Variants in SIMC1 observed in about 807,000 individuals in gnomAD.
The protein encoded by SIMC1 is SUMO interacting motifs containing 1, also known as SUMO-interacting motif-containing protein 1.
In SIMC1, 55 loss-of-function variants were observed where a neutral mutation model predicts 82.3. The ratio of observed to expected loss-of-function variants is 0.67; its 90% CI spans 0.54 to 0.84. SIMC1 has a LOEUF of 0.84. SIMC1 is among the 40% of genes least tolerant of loss of function. The pLI is 0.00. For missense variants in SIMC1, 915 were observed against 1,107.2 expected, an observed-to-expected ratio of 0.83 and a Z score of 2.46; for synonymous variants, 353 against 426.3, an observed-to-expected ratio of 0.83 and a Z score of 2.12.
chr5:176,261,762 A>T (rs534412022), intron 1 of SIMC1, among the ~76,000 whole-genome samples: 7 of 152,172 alleles, frequency 4.6e-5, no homozygotes, highest in Non-Finnish European at 1.0e-4. Context: ...AAAAAAGGAA[A>T]AAAAAAAGTT....
chr5:176,279,776 G>A (rs1237669376), intron 1 of SIMC1, among the ~76,000 whole-genome samples: 1 of 151,598 alleles, frequency 6.6e-6, no homozygotes, highest in Non-Finnish European at 1.5e-5. Context: ...CCATGTAGTT[G>A]AGGAGTTTTG....
chr5:176,298,103 G>A (rs1048023592), intron 4 of SIMC1, among the ~76,000 whole-genome samples: 7 of 152,180 alleles, frequency 4.6e-5, no homozygotes, highest in African/African-American at 1.7e-4. Context: ...CTCTAGAGCC[G>A]AATTAAGAAG....
intron 1 of SIMC1, among the ~76,000 whole-genome samples, chr5:176,245,821 CG>C (rs1761417528): frequency 6.6e-6 from 1 of 151,966 alleles, no homozygotes; most frequent in Non-Finnish European, 1.5e-5. Context: ...AGATAATTAT[CG>C]TTATCTGCAA....
chr5:176,264,088 G>C (rs995537134), intron 1 of SIMC1, among the ~76,000 whole-genome samples: 10 of 152,228 alleles, frequency 6.6e-5, no homozygotes, highest in Admixed American at 6.5e-4. Flanking sequence ...GCAAGGGGTG[G>C]GCTCCTAAGG....
At chr5:176,272,949 G>A (rs1426929651) in intron 1 of SIMC1, among the ~76,000 whole-genome samples, 1 of 152,174 alleles carries the variant, frequency 6.6e-6, no homozygotes, top group East Asian at 1.9e-4. Flanking sequence ...GCTCAAACTG[G>A]GTGGAGCCCA....
chr5:176,265,767 CTTAA>C (rs1246932356), intron 1 of SIMC1, among the ~76,000 whole-genome samples: 2 of 151,928 alleles, frequency 1.3e-5, no homozygotes, highest in Non-Finnish European at 2.9e-5. Context: ...ATGCAAATTA[CTTAA>C]TTAGGAGTTA....
chr5:176,337,520 GGAGGCA>G (rs1159512442), intron 9 of SIMC1, among the ~76,000 whole-genome samples: 1 of 152,200 alleles, frequency 6.6e-6, no homozygotes, highest in African/African-American at 2.4e-5. Flanking sequence ...TTTGAACCCA[GGAGGCA>G]GAGGTTGCAG....
intron 1 of SIMC1, among the ~76,000 whole-genome samples, chr5:176,283,550 T>G (rs1350001383): frequency 5.3e-5 from 8 of 152,286 alleles, no homozygotes; most frequent in African/African-American, 1.9e-4. Context: ...GGAAGAACCG[T>G]TAGCAGCCAC....
chr5:176,281,806 T>C (rs998728702), intron 1 of SIMC1, among the ~76,000 whole-genome samples: 2 of 152,076 alleles, frequency 1.3e-5, no homozygotes, highest in African/African-American at 2.4e-5. Flanking sequence ...CTCAGAGGAG[T>C]ACCCGGCCGT....
At chr5:176,317,542 A>G (rs1764969729) in intron 5 of SIMC1, among the ~76,000 whole-genome samples, 1 of 152,172 alleles carries the variant, frequency 6.6e-6, no homozygotes. Context: ...CATGAAAAAT[A>G]AGGAGTTCGC....
intron 4 of SIMC1, among the ~76,000 whole-genome samples, chr5:176,300,339 G>T (rs1763989167): frequency 6.6e-6 from 1 of 152,152 alleles, no homozygotes; most frequent in Non-Finnish European, 1.5e-5. Context: ...TTTGTTTTGA[G>T]GCAGAGTCTC....
chr5:176,260,196 A>G (rs1403115357), intron 1 of SIMC1, among the ~76,000 whole-genome samples: 1 of 152,196 alleles, frequency 6.6e-6, no homozygotes, highest in Non-Finnish European at 1.5e-5. Flanking sequence ...TTCTAATGTT[A>G]GAAAACCATA....
chr5:176,264,718 A>G (rs939399133), intron 1 of SIMC1, among the ~76,000 whole-genome samples: 2 of 151,576 alleles, frequency 1.3e-5, no homozygotes, highest in African/African-American at 2.4e-5. Flanking sequence ...AGACTTTTAC[A>G]GTCTGCTTTC....
Position 176,290,750 on chromosome 5 carries a change from C to T in SIMC1, c.1226C>T (p.Pro409Leu), listed in dbSNP as rs1310457041. Reference protein sequence around the residue: ...PQSETPLEKVPWLSVMETPAR... With the variant: ...PQSETPLEKVLWLSVMETPAR... ...TCTGAAACTCCCTTAGAGAAAGTTC[C>T]TTGGCTCTCTGTCATGGAAACCCCA... Residue 409 changes from proline to leucine, a missense_variant, in exon 2 of 10, where the codon CCT becomes CTT. Pro to Leu is a moderately conservative substitution (Grantham distance 98). Coordinates refer to ENST00000429602, the MANE Select transcript of SIMC1 (RefSeq NM_001308195.2). 3 of 1,613,200 alleles carry T rather than the reference C, an allele frequency of 1.9e-6. No individual in the cohort carries two copies. The highest frequency in any genetic ancestry group is 2.5e-6 in the Non-Finnish European group (3 of 1,179,478).
At chr5:176,344,913 T>G (rs533566173) in intron 9 of SIMC1, among the ~76,000 whole-genome samples, 6 of 152,336 alleles carry the variant, frequency 3.9e-5, no homozygotes, top group African/African-American at 1.2e-4. Context: ...AGTATTTTCA[T>G]TTTTTGACCA....
At chr5:176,254,072 A>G (rs1761775001) in intron 1 of SIMC1, among the ~76,000 whole-genome samples, 1 of 152,302 alleles carries the variant, frequency 6.6e-6, no homozygotes, top group South Asian at 2.1e-4. Flanking sequence ...TTATCTAACT[A>G]ATAGATAATA....
At chr5:176,250,141 A>T (rs1322356889) in intron 1 of SIMC1, among the ~76,000 whole-genome samples, 1 of 152,152 alleles carries the variant, frequency 6.6e-6, no homozygotes, top group South Asian at 2.1e-4. Flanking sequence ...TTGGTTTCAA[A>T]GAATTATTTA....
chr5:176,285,372 A>G (rs1763222916), intron 1 of SIMC1, among the ~76,000 whole-genome samples: 1 of 152,156 alleles, frequency 6.6e-6, no homozygotes, highest in Admixed American at 6.6e-5. Context: ...TATAAACAGA[A>G]CCAAAGACAA....
intron 1 of SIMC1, among the ~76,000 whole-genome samples, chr5:176,274,540 T>C (rs1306319034): frequency 6.6e-6 from 1 of 151,908 alleles, no homozygotes; most frequent in African/African-American, 2.4e-5. Flanking sequence ...TTGGCTTTTG[T>C]TGCCATTGCT....
Sources: allele counts gnomAD v4.1 joint callset (sites outside exome capture counted in the v4.1 genomes callset), GRCh38; gene constraint gnomAD v4.1.1; transcripts MANE v1.5; gene names NCBI Gene and HGNC (gene_info 2026-07-23, HGNC 2026-07-21).